The following RNF175 variants were observed in gnomAD, a reference collection of about 807,000 sequenced individuals.
RNF175 encodes ring finger protein 175.
Under a neutral mutation model 50.0 loss-of-function variants are expected in RNF175, and 38 were observed. The ratio of observed to expected loss-of-function variants is 0.76; its 90% CI spans 0.59 to 1.00. RNF175 has a LOEUF of 1.00. Among genes scored for constraint, RNF175 ranks in the 50% least tolerant of loss-of-function variants. The pLI, the probability that RNF175 is intolerant of heterozygous loss-of-function variation, is 0.00. For missense variants in RNF175, 388 were observed against 409.6 expected (o/e 0.95, Z 0.46); for synonymous variants, 155 against 146.1 (o/e 1.06, Z -0.44).
Position 153,712,455 on chromosome 4 carries a change from C to A in RNF175, c.866+20G>T. 2 of 1,345,900 alleles carry A rather than the reference C, an allele frequency of 1.5e-6. No individual in the cohort carries two copies. The highest frequency in any genetic ancestry group is 2.1e-6 in the Non-Finnish European group (2 of 941,210). The allele number at this position is 1,345,900 out of a possible 1,614,324, so 83.4% of individuals were successfully genotyped here. The stretch of plus-strand genomic sequence containing the variant: ...AACATTCAAGATAATCTCTTATAAC[C>A]TTTTTGTTTTAAAGGATATGGATTA... On this transcript the variant is annotated intron_variant, in intron 8 of 8. Transcript: ENST00000347063.
At chr4:153,744,939 A>G (rs897889633) in intron 3 of RNF175, among the ~76,000 whole-genome samples, 1 of 152,274 alleles carries the variant, frequency 6.6e-6, no homozygotes, top group African/African-American at 2.4e-5. Context: ...AATTGCCTAA[A>G]CTTAAATATA....
intron 1 of RNF175, among the ~76,000 whole-genome samples, chr4:153,756,721 C>T (rs1217538661): frequency 2.0e-5 from 3 of 152,174 alleles, no homozygotes; most frequent in Non-Finnish European, 4.4e-5. Flanking sequence ...TGAATAGGAC[C>T]TTGTGTTCTA....
chr4:153,732,231 CAAAAAA>C (rs35638181), intron 3 of RNF175, among the ~76,000 whole-genome samples: 7 of 143,736 alleles, frequency 4.9e-5, no homozygotes, highest in Admixed American at 2.1e-4. Flanking sequence ...GACTCTGTCT[CAAAAAA>C]AAAAAACAAA....
At chr4:153,742,827 A>T (rs945677692) in intron 3 of RNF175, among the ~76,000 whole-genome samples, 1 of 150,160 alleles carries the variant, frequency 6.7e-6, no homozygotes, top group Non-Finnish European at 1.5e-5. Context: ...TATTATGAGT[A>T]TTATAGTAAT....
intron 2 of RNF175, 34 bp downstream of exon 2, chr4:153,751,404 G>C: frequency 7.0e-7 from 1 of 1,420,742 alleles, no homozygotes. Flanking sequence ...CTAATTTTTA[G>C]CAAAACAACT....
chr4:153,751,101 C>G (rs1740268968), intron 2 of RNF175, among the ~76,000 whole-genome samples: 2 of 152,200 alleles, frequency 1.3e-5, no homozygotes, highest in Admixed American at 1.3e-4. Flanking sequence ...CTCACAGGGC[C>G]CAATGGCCCT....
intron 2 of RNF175, among the ~76,000 whole-genome samples, chr4:153,750,258 G>T (rs778578876): frequency 2.6e-5 from 4 of 152,064 alleles, no homozygotes; most frequent in Non-Finnish European, 4.4e-5. Flanking sequence ...AACACCACAG[G>T]GTAACAGTCT....
intron 3 of RNF175, among the ~76,000 whole-genome samples, chr4:153,733,406 G>A (rs1041236367): frequency 3.3e-5 from 5 of 151,840 alleles, no homozygotes; most frequent in African/African-American, 7.3e-5. Flanking sequence ...CTGTAAACTC[G>A]CATTCCAACA....
At chr4:153,730,154 C>T (rs933564591) in intron 3 of RNF175, among the ~76,000 whole-genome samples, 1 of 152,186 alleles carries the variant, frequency 6.6e-6, no homozygotes, top group African/African-American at 2.4e-5. Flanking sequence ...TAAAAGTATG[C>T]AGCACCATGG....
intron 7 of RNF175, chr4:153,715,184 A>T: frequency 2.8e-6 from 1 of 361,964 alleles, no homozygotes; most frequent in Non-Finnish European, 5.4e-6. Flanking sequence ...TCTTTTTCTC[A>T]CCTCCAAACC....
chr4:153,741,352 C>T (rs1046833496), intron 3 of RNF175, among the ~76,000 whole-genome samples: 1 of 152,178 alleles, frequency 6.6e-6, no homozygotes, highest in Admixed American at 6.5e-5. Flanking sequence ...AGCATGAGAG[C>T]ACTTCTTGGG....
chr4:153,755,574 TA>T (rs11454087), intron 1 of RNF175, among the ~76,000 whole-genome samples: 60 of 148,418 alleles, frequency 4.0e-4, no homozygotes, highest in African/African-American at 1.0e-3. Flanking sequence ...AGAAAGAATT[TA>T]AAAAAAAAAC....
At chr4:153,753,774 G>A (rs1277860231) in intron 1 of RNF175, among the ~76,000 whole-genome samples, 1 of 151,568 alleles carries the variant, frequency 6.6e-6, no homozygotes, top group African/African-American at 2.4e-5. Flanking sequence ...GGCCAGGCTG[G>A]TCTCCAACTC....
At chr4:153,741,848 C>T (rs1739674930) in intron 3 of RNF175, among the ~76,000 whole-genome samples, 1 of 152,152 alleles carries the variant, frequency 6.6e-6, no homozygotes, top group African/African-American at 2.4e-5. Context: ...CACCATCCTG[C>T]CACATTCGGT....
intron 3 of RNF175, among the ~76,000 whole-genome samples, chr4:153,741,003 T>C (rs899880935): frequency 2.6e-5 from 4 of 152,342 alleles, no homozygotes; most frequent in Admixed American, 1.3e-4. Flanking sequence ...TTATATAGAG[T>C]CTAAGCCTTG....
rs145514936 is a variant in RNF175 at position 153,746,878 on chromosome 4, C to T, written c.246+1767G>A. ...GGCTGCCATGGCCTCACAGCATGTG[C>T]CTACAGAATTAGCACCACCAACGTT... On this transcript the variant is annotated intron_variant, in intron 3 of 8. Transcript: ENST00000347063. Among the ~76,000 whole-genome samples the T allele has an allele frequency of 5.1e-3, 782 of 152,362 alleles. 6 individuals carry two copies. The highest frequency in any genetic ancestry group is 0.016 in the African/African-American group (671 of 41,580).
chr4:153,741,004 C>T (rs930077638), intron 3 of RNF175, among the ~76,000 whole-genome samples: 1 of 152,228 alleles, frequency 6.6e-6, no homozygotes, highest in African/African-American at 2.4e-5. Context: ...TATATAGAGT[C>T]TAAGCCTTGC....
At chr4:153,718,209 G>GTTTTTTTTTTTTT (rs1238895381) in intron 6 of RNF175, among the ~76,000 whole-genome samples, 1 of 92,594 alleles carries the variant, frequency 1.1e-5, no homozygotes, top group African/African-American at 5.0e-5. Context: ...TTCCTAAGGA[G>GTTTTTTTTTTTTT]TTTTTTTTGT....
At chr4:153,716,565 T>C (rs966234555) in intron 6 of RNF175, among the ~76,000 whole-genome samples, 4 of 152,130 alleles carry the variant, frequency 2.6e-5, no homozygotes, top group South Asian at 2.1e-4. Flanking sequence ...CTTTTTTTTT[T>C]CCAAAGAAAA....
Sources: gnomAD v4.1 joint callset for allele counts (sites outside exome capture counted in the v4.1 genomes callset) on GRCh38, gnomAD v4.1.1 for gene constraint, MANE v1.5 for transcripts, NCBI Gene and HGNC (gene_info 2026-07-23, HGNC 2026-07-21) for gene names.